The following HMGN5 variants were observed in gnomAD, a reference collection of about 807,000 sequenced individuals.
The protein encoded by HMGN5 is high mobility group nucleosome-binding domain-containing protein 5.
Under a neutral mutation model 9.5 loss-of-function variants are expected in HMGN5, and 4 were observed. The ratio of observed to expected loss-of-function variants is 0.42; its 90% CI spans 0.21 to 0.96. The LOEUF is 0.96. Ranked by LOEUF, HMGN5 falls within the 40% of genes least tolerant of loss-of-function variation. The probability of loss-of-function intolerance (pLI) is 0.30; values close to 1 mark genes in which losing one functional copy is unlikely to be tolerated. For synonymous variants in HMGN5, 55 were observed against 57.1 expected, an observed-to-expected ratio of 0.96 and a Z score of 0.16; for missense variants, 192 against 187.5, an observed-to-expected ratio of 1.02 and a Z score of -0.14.
chrX:81,184,307 A>G (rs895038161), intron 1 of HMGN5, among the ~76,000 whole-genome samples: 4 of 111,706 alleles, frequency 3.6e-5, no homozygotes, highest in Non-Finnish European at 7.5e-5. Flanking sequence ...GCTCTGGCCA[A>G]GTAAGACATG....
intron 1 of HMGN5, among the ~76,000 whole-genome samples, chrX:81,174,979 G>C (rs2075437419): frequency 9.0e-6 from 1 of 111,547 alleles, no homozygotes; most frequent in Non-Finnish European, 1.9e-5. Flanking sequence ...CTTAGAATAA[G>C]TAGTGAGAAG....
At chrX:81,135,016 A>C (rs901367851) in intron 1 of HMGN5, among the ~76,000 whole-genome samples, 2 of 111,732 alleles carry the variant, frequency 1.8e-5, no homozygotes, top group Non-Finnish European at 3.8e-5. Context: ...AAAACAATAA[A>C]ACTCTTATAA....
chrX:81,136,774 A>C (rs2075312127), intron 1 of HMGN5, among the ~76,000 whole-genome samples: 1 of 111,698 alleles, frequency 9.0e-6, no homozygotes, highest in Non-Finnish European at 1.9e-5. Context: ...GGAAACAAAC[A>C]AACATTACCC....
Position 81,125,788 on chromosome X carries a change from T to C in HMGN5, c.-123-4116A>G, listed in dbSNP as rs779176244. 9.8e-5 allele frequency among the ~76,000 whole-genome samples: 11 copies of C among 111,910 alleles called. No homozygotes were observed. In the East Asian group the frequency reaches 3.1e-3, roughly 31 times the overall value. ...AGAGATTTTCTAGTTTCAATACCCT[T>C]GGAATACAGATGAATAAACACAAGC... On this transcript the variant is annotated intron_variant, in intron 1 of 6. Transcript: ENST00000358130.
chrX:81,165,203 G>A (rs2075407796), intron 1 of HMGN5, among the ~76,000 whole-genome samples: 1 of 110,762 alleles, frequency 9.0e-6, no homozygotes, highest in African/African-American at 3.3e-5. Flanking sequence ...TTCAATTACT[G>A]TCTATAAGCT....
At chrX:81,133,194 CA>C (rs768773672) in intron 1 of HMGN5, among the ~76,000 whole-genome samples, 1 of 109,520 alleles carries the variant, frequency 9.1e-6, no homozygotes, top group Non-Finnish European at 1.9e-5. Flanking sequence ...ATTACGAAAT[CA>C]AAAAAAATAA....
At chrX:81,146,196 A>G (rs1021787060) in intron 1 of HMGN5, among the ~76,000 whole-genome samples, 6 of 111,976 alleles carry the variant, frequency 5.4e-5, no homozygotes, top group African/African-American at 2.0e-4. Context: ...AACAGAATAC[A>G]CATTCTTCTC....
chrX:81,201,036 A>G (rs748159150), intron 1 of HMGN5, among the ~76,000 whole-genome samples: 1 of 111,200 alleles, frequency 9.0e-6, no homozygotes, highest in Non-Finnish European at 1.9e-5. Flanking sequence ...TGGAATTAGT[A>G]TTTAAGACAG....
intron 1 of HMGN5, among the ~76,000 whole-genome samples, chrX:81,177,207 TA>T (rs1008230402): frequency 2.5e-4 from 26 of 105,635 alleles, no homozygotes; most frequent in East Asian, 2.9e-4. Context: ...ACTAAAATAT[TA>T]AAAAAAAATT....
At chrX:81,196,706 T>C (rs1043156415) in intron 1 of HMGN5, among the ~76,000 whole-genome samples, 3 of 110,357 alleles carry the variant, frequency 2.7e-5, no homozygotes, top group African/African-American at 9.9e-5. Flanking sequence ...CACGCCTGGC[T>C]AATTTTTGTA....
Position 81,114,515 on chromosome X carries a change from T to C in HMGN5, c.*134A>G. 1 of 573,412 alleles carries C rather than the reference T, an allele frequency of 1.7e-6. No individual in the cohort carries two copies. The allele number at this position is 573,412 out of a possible 1,213,427, so 47.3% of individuals were successfully genotyped here. A position where few individuals can be genotyped will look rare whatever the true frequency, so the allele number is the denominator to read the frequency against. On this transcript the variant is annotated 3_prime_UTR_variant, in exon 7 of 7. Transcript: ENST00000358130. The stretch of plus-strand genomic sequence containing the variant: ...GAAACTTTATGGCTAATAATCAATA[T>C]GAAGATGTTCTGAAATTAAATCAAT...
intron 1 of HMGN5, among the ~76,000 whole-genome samples, chrX:81,198,637 T>A (rs942865428): frequency 1.8e-5 from 2 of 111,907 alleles, no homozygotes; most frequent in South Asian, 7.4e-4. Flanking sequence ...CACACGATTA[T>A]CTCAATAGAT....
At chrX:81,191,249 A>G (rs1396217123) in intron 1 of HMGN5, among the ~76,000 whole-genome samples, 3 of 111,654 alleles carry the variant, frequency 2.7e-5, no homozygotes, top group Non-Finnish European at 5.7e-5. Flanking sequence ...TCCCTTCCAA[A>G]AATTATAACT....
intron 1 of HMGN5, among the ~76,000 whole-genome samples, chrX:81,135,219 T>G (rs1295157400): frequency 9.0e-6 from 1 of 111,680 alleles, no homozygotes; most frequent in Non-Finnish European, 1.9e-5. Context: ...ACAAGTAATA[T>G]GTACAACAAG....
At chrX:81,173,625 G>A (rs2075433008) in intron 1 of HMGN5, among the ~76,000 whole-genome samples, 1 of 111,697 alleles carries the variant, frequency 9.0e-6, no homozygotes, top group Non-Finnish European at 1.9e-5. Context: ...GTGCTTCCAC[G>A]CTATTTTGTG....
At chrX:81,129,818 C>T (rs1364136544) in intron 1 of HMGN5, among the ~76,000 whole-genome samples, 1 of 110,786 alleles carries the variant, frequency 9.0e-6, no homozygotes, top group African/African-American at 3.3e-5. Flanking sequence ...AGTTAAACAA[C>T]TCACCTAAAG....
At chrX:81,154,456 A>G (rs1323105001) in intron 1 of HMGN5, among the ~76,000 whole-genome samples, 2 of 111,699 alleles carry the variant, frequency 1.8e-5, no homozygotes, top group African/African-American at 6.5e-5. Flanking sequence ...AGACCAGGCA[A>G]AAATTTCTTG....
rs764063746 is a variant in HMGN5 at position 81,116,347 on chromosome X, A to G, written c.130-6T>C. ...TCACTTTTTGTCTTCATTTTCTGCC[A>G]AGCAATATAAAACAATGAAAGTAAA... On this transcript the variant is annotated splice_region_variant and splice_polypyrimidine_tract_variant and intron_variant, in intron 5 of 6. Transcript: ENST00000358130. 1 of 1,151,031 alleles carries G rather than the reference A, an allele frequency of 8.7e-7. No individual in the cohort carries two copies. Among genetic ancestry groups the G allele is most frequent in the Non-Finnish European group, 1.2e-6 (1 of 846,730 alleles). 94.9% of individuals were successfully genotyped at this position (1,151,031 alleles called of 1,213,427 possible). A position where few individuals can be genotyped will look rare whatever the true frequency, so the allele number is the denominator to read the frequency against.
At chrX:81,136,720 A>G (rs1347127373) in intron 1 of HMGN5, among the ~76,000 whole-genome samples, 1 of 111,619 alleles carries the variant, frequency 9.0e-6, no homozygotes, top group Non-Finnish European at 1.9e-5. Context: ...ATAACCTTAA[A>G]TGTAAACAGT....
Sources: allele counts gnomAD v4.1 joint callset (sites outside exome capture counted in the v4.1 genomes callset), GRCh38; gene constraint gnomAD v4.1.1; transcripts MANE v1.5; gene names NCBI Gene and HGNC (gene_info 2026-07-23, HGNC 2026-07-21).